MALRD1: variants seen among roughly 807,000 people sequenced by gnomAD.
MALRD1 encodes MAM and LDL receptor class A domain containing 1.
A neutral mutation model predicts 242.1 loss-of-function variants in MALRD1; 247 were observed. The ratio of observed to expected loss-of-function variants is 1.02; its 90% CI spans 0.92 to 1.13. The LOEUF is 1.13. Ranked by LOEUF, MALRD1 falls within the 50% of genes most tolerant of loss-of-function variation. The pLI is 0.00. For missense variants in MALRD1, 2,989 were observed against 2,533.1 expected, an observed-to-expected ratio of 1.18 and a Z score of -3.86; for synonymous variants, 995 against 866.6, an observed-to-expected ratio of 1.15 and a Z score of -2.60.
Position 19,329,841 on chromosome 10 carries a change from C to A in MALRD1, c.3688-1528C>A, listed in dbSNP as rs577182074. On this transcript the variant is annotated intron_variant, in intron 23 of 39. Coordinates refer to ENST00000454679, the MANE Select transcript of MALRD1 (RefSeq NM_001142308.3). ...TTAAAGTCTAGGGAATCCCAACCAA[C>A]CTTATATGAAGCATTGAGATATAAG... is the stretch of plus-strand genomic sequence containing the variant. 5.3e-5 allele frequency among the ~76,000 whole-genome samples: 8 copies of A among 152,214 alleles called. No individual in the cohort carries two copies. The South Asian group carries it at 1.7e-3, about 32-fold the overall frequency.
intron 39 of MALRD1, among the ~76,000 whole-genome samples, chr10:19,732,250 G>A (rs1038569842): frequency 6.6e-6 from 1 of 152,064 alleles, no homozygotes; most frequent in Non-Finnish European, 1.5e-5. Context: ...TTTTACTGGA[G>A]AAAGAAAATC....
intron 32 of MALRD1, among the ~76,000 whole-genome samples, chr10:19,534,224 T>C (rs1441953535): frequency 2.0e-5 from 3 of 152,214 alleles, no homozygotes; most frequent in African/African-American, 7.2e-5. Context: ...TAATGTGGCC[T>C]TACATCACTG....
At chr10:19,284,647 A>G (rs938961879) in intron 21 of MALRD1, among the ~76,000 whole-genome samples, 1 of 143,190 alleles carries the variant, frequency 7.0e-6, no homozygotes, top group South Asian at 2.4e-4. Context: ...AATCCAGTCT[A>G]TCATTGTTGG....
At chr10:19,710,800 A>G (rs1033372353) in intron 38 of MALRD1, 1 of 152,158 alleles carries the variant, frequency 6.6e-6, no homozygotes, top group Non-Finnish European at 1.5e-5. Flanking sequence ...TCCTCCCTCT[A>G]TTCACAGTAA....
At chr10:19,641,077 G>A (rs777208838) in intron 36 of MALRD1, among the ~76,000 whole-genome samples, 6 of 152,066 alleles carry the variant, frequency 3.9e-5, no homozygotes, top group Non-Finnish European at 8.8e-5. Context: ...AAGACCTTTG[G>A]CATGCATTTA....
intron 29 of MALRD1, among the ~76,000 whole-genome samples, chr10:19,466,611 T>C (rs932674232): frequency 5.9e-5 from 9 of 152,216 alleles, no homozygotes; most frequent in Non-Finnish European, 1.2e-4. Flanking sequence ...GATGATTTTC[T>C]TCTACTTGTG....
chr10:19,678,898 T>G (rs114907816), intron 36 of MALRD1, among the ~76,000 whole-genome samples: 3,783 of 152,286 alleles, frequency 0.025, 89 homozygotes, highest in African/African-American at 0.056. Context: ...CTGCATCTAT[T>G]GAGACAATCC....
In MALRD1 at chr10:19,225,634, T is replaced by C. The variant is rs148461009; in HGVS notation, c.2991+15954T>C. Reference sequence around the variant, plus strand: ...CTGCAGTGCTCCTGTAATGCTTCATTTCTACAGAGCCAACCTACACCCACC... The same window carrying C: ...CTGCAGTGCTCCTGTAATGCTTCATCTCTACAGAGCCAACCTACACCCACC... On this transcript the variant is annotated intron_variant, in intron 18 of 39. Coordinates refer to ENST00000454679, the MANE Select transcript of MALRD1 (RefSeq NM_001142308.3). 1.0e-3 allele frequency among the ~76,000 whole-genome samples: 156 copies of C among 152,268 alleles called. 1 individual carries two copies. The highest frequency in any genetic ancestry group is 3.6e-3 in the African/African-American group (150 of 41,546).
chr10:19,579,882 G>A (rs995115256), intron 33 of MALRD1, among the ~76,000 whole-genome samples: 2 of 152,282 alleles, frequency 1.3e-5, no homozygotes, highest in South Asian at 4.1e-4. Context: ...AGGAGTTGAG[G>A]ATTTGGGGAA....
At chr10:19,711,013 C>T (rs1834085581) in intron 38 of MALRD1, 1 of 152,202 alleles carries the variant, frequency 6.6e-6, no homozygotes, top group South Asian at 2.1e-4. Context: ...TTTCCAATGG[C>T]ATGTAGCAAA....
chr10:19,432,465 T>G (rs1834174410), intron 28 of MALRD1, among the ~76,000 whole-genome samples: 2 of 152,208 alleles, frequency 1.3e-5, no homozygotes, highest in Admixed American at 1.3e-4. Flanking sequence ...TTTTAGCCAG[T>G]GGTTACAGTT....
At chr10:19,094,457 C>A (rs939285997) in intron 4 of MALRD1, among the ~76,000 whole-genome samples, 3 of 148,926 alleles carry the variant, frequency 2.0e-5, no homozygotes, top group African/African-American at 5.0e-5. Flanking sequence ...GGCTCGCGCA[C>A]GGTGTGCACA....
At chr10:19,568,296 T>G (rs552571355) in intron 33 of MALRD1, among the ~76,000 whole-genome samples, 144 of 152,254 alleles carry the variant, frequency 9.5e-4, no homozygotes, top group Admixed American at 6.1e-3. Context: ...TATTAAATAG[T>G]AGGGTCATTG....
At chr10:19,129,639 A>G (rs186031880) in intron 8 of MALRD1, among the ~76,000 whole-genome samples, 30 of 151,956 alleles carry the variant, frequency 2.0e-4, no homozygotes, top group African/African-American at 6.8e-4. Context: ...ATAAGATTCC[A>G]TTAACATCCC....
At chr10:19,239,889 T>A (rs1011819643) in intron 18 of MALRD1, among the ~76,000 whole-genome samples, 20 of 152,212 alleles carry the variant, frequency 1.3e-4, no homozygotes, top group African/African-American at 4.3e-4. Flanking sequence ...CATGCTGTTT[T>A]GCTTACTATG....
chr10:19,056,373 G>A (rs1834667656), intron 1 of MALRD1, among the ~76,000 whole-genome samples: 1 of 151,350 alleles, frequency 6.6e-6, no homozygotes, highest in Non-Finnish European at 1.5e-5. Flanking sequence ...AATTCTCGGT[G>A]TTTTATAGTT....
intron 36 of MALRD1, among the ~76,000 whole-genome samples, chr10:19,630,144 A>G (rs770191240): frequency 1.3e-5 from 2 of 152,168 alleles, no homozygotes; most frequent in Non-Finnish European, 2.9e-5. Flanking sequence ...TCAGAAAAAG[A>G]CTTATTTTCC....
chr10:19,480,916 G>A (rs1836968371), intron 29 of MALRD1, among the ~76,000 whole-genome samples: 1 of 151,938 alleles, frequency 6.6e-6, no homozygotes, highest in East Asian at 1.9e-4. Context: ...GCAATCAATT[G>A]TTCTAAAATT....
At chr10:19,194,484 C>T (rs771162378) in intron 14 of MALRD1, among the ~76,000 whole-genome samples, 20 of 152,102 alleles carry the variant, frequency 1.3e-4, no homozygotes, top group Non-Finnish European at 2.6e-4. Context: ...TTCCCAGTTT[C>T]TAAAATACAA....
Sources: allele counts gnomAD v4.1 joint callset (sites outside exome capture counted in the v4.1 genomes callset), GRCh38; gene constraint gnomAD v4.1.1; transcripts MANE v1.5; gene names NCBI Gene and HGNC (gene_info 2026-07-23, HGNC 2026-07-21).